The following MB21D2 variants were observed in gnomAD, a reference collection of about 807,000 sequenced individuals.
The protein encoded by MB21D2 is nucleotidyltransferase MB21D2.
MB21D2 carries 9 observed loss-of-function variants against 33.3 expected under a neutral mutation model. The observed-to-expected ratio is 0.27, with a 90% CI of 0.16 to 0.47. MB21D2 has a LOEUF of 0.47. Among genes scored for constraint, MB21D2 ranks in the 20% least tolerant of loss-of-function variants. The pLI, the probability that MB21D2 is intolerant of heterozygous loss-of-function variation, is 0.99. For synonymous variants in MB21D2, 241 were observed against 236.3 expected (o/e 1.02, Z -0.18); for missense variants, 540 against 624.6 (o/e 0.86, Z 1.44).
At chr3:192,870,595 G>A (rs976826479) in intron 1 of MB21D2, among the ~76,000 whole-genome samples, 2 of 151,542 alleles carry the variant, frequency 1.3e-5, no homozygotes, top group Non-Finnish European at 2.9e-5. Flanking sequence ...GGTGGTGCAA[G>A]CCTGTAATCC....
intron 1 of MB21D2, 146 bp downstream of exon 1, chr3:192,917,484 G>A (rs922778292): frequency 1.4e-6 from 1 of 720,438 alleles, no homozygotes; most frequent in Non-Finnish European, 2.3e-6. Flanking sequence ...AGAAGAGAGA[G>A]GCGGAACAGA....
intron 1 of MB21D2, among the ~76,000 whole-genome samples, chr3:192,853,979 C>T (rs1306613387): frequency 2.0e-5 from 3 of 152,180 alleles, no homozygotes; most frequent in Non-Finnish European, 2.9e-5. Flanking sequence ...CAGCTGTTAC[C>T]CCAGCTCTCT....
intron 1 of MB21D2, among the ~76,000 whole-genome samples, chr3:192,905,620 G>C: frequency 7.5e-6 from 1 of 133,552 alleles, no homozygotes; most frequent in Non-Finnish European, 1.5e-5. Flanking sequence ...CTGAGTGACA[G>C]AGCACGCCCT....
chr3:192,861,389 T>C (rs1713038519), intron 1 of MB21D2, among the ~76,000 whole-genome samples: 1 of 152,240 alleles, frequency 6.6e-6, no homozygotes, highest in African/African-American at 2.4e-5. Flanking sequence ...TGCATCCTCC[T>C]CAGTTGCCTA....
chr3:192,879,362 G>A (rs1176002274), intron 1 of MB21D2, among the ~76,000 whole-genome samples: 1 of 152,230 alleles, frequency 6.6e-6, no homozygotes, highest in Non-Finnish European at 1.5e-5. Context: ...GGTCTCCAAG[G>A]GGACTCTGAG....
intron 1 of MB21D2, among the ~76,000 whole-genome samples, chr3:192,835,456 A>C: frequency 2.9e-5 from 1 of 34,668 alleles, no homozygotes; most frequent in East Asian, 1.9e-3. Flanking sequence ...ACTCTGTCTC[A>C]AAAAAAAAAA....
chr3:192,872,913 G>A (rs1425018400), intron 1 of MB21D2, among the ~76,000 whole-genome samples: 1 of 152,120 alleles, frequency 6.6e-6, no homozygotes, highest in Non-Finnish European at 1.5e-5. Context: ...CTCAGCATAA[G>A]TGATTCATTA....
chr3:192,868,687 T>C (rs1713220994), intron 1 of MB21D2, among the ~76,000 whole-genome samples: 1 of 152,148 alleles, frequency 6.6e-6, no homozygotes, highest in Non-Finnish European at 1.5e-5. Context: ...CGAGGCTCCA[T>C]TTTGTGGTCC....
intron 1 of MB21D2, among the ~76,000 whole-genome samples, chr3:192,878,792 G>A (rs979457606): frequency 1.2e-4 from 18 of 152,034 alleles, no homozygotes; most frequent in African/African-American, 4.3e-4. Context: ...CGTGAAACCT[G>A]GTGTCTACTA....
chr3:192,881,383 TAGA>T (rs754929029), intron 1 of MB21D2, among the ~76,000 whole-genome samples: 11 of 152,082 alleles, frequency 7.2e-5, no homozygotes, highest in Non-Finnish European at 1.2e-4. Context: ...CAGGGGAAAC[TAGA>T]AGATCTCTGT....
chr3:192,890,821 A>T (rs1713837286), intron 1 of MB21D2, among the ~76,000 whole-genome samples: 1 of 152,066 alleles, frequency 6.6e-6, no homozygotes, highest in Non-Finnish European at 1.5e-5. Context: ...TATTGATATA[A>T]GATGTACGTG....
intron 1 of MB21D2, among the ~76,000 whole-genome samples, chr3:192,831,206 GA>G (rs1315259914): frequency 1.3e-5 from 2 of 152,190 alleles, no homozygotes; most frequent in Non-Finnish European, 2.9e-5. Flanking sequence ...CACTTCAAAG[GA>G]ACCTTGTGGA....
intron 1 of MB21D2, among the ~76,000 whole-genome samples, chr3:192,834,809 CTT>C (rs71177378): frequency 1.1e-4 from 13 of 119,830 alleles, no homozygotes; most frequent in Admixed American, 8.7e-5. Context: ...GAGGATTGTT[CTT>C]TTTTTTTTTT....
chr3:192,830,104 G>A lies in MB21D2; in HGVS notation c.212-30454C>T, dbSNP rs148207594. On this transcript the variant is annotated intron_variant, in intron 1 of 1. Coordinates refer to ENST00000392452, the MANE Select transcript of MB21D2 (RefSeq NM_178496.4). ...AGGCCTCAAGCCATCCTCCCACCTC[G>A]GCCTCCCAGAGAGCAAGGATTACAG... Among the ~76,000 whole-genome samples the A allele has an allele frequency of 1.3e-4, 20 of 152,022 alleles. No individual in the cohort carries two copies. The East Asian group carries it at 3.1e-3, about 24-fold the overall frequency.
intron 1 of MB21D2, among the ~76,000 whole-genome samples, chr3:192,860,287 A>T (rs1713012976): frequency 6.6e-6 from 1 of 152,226 alleles, no homozygotes; most frequent in South Asian, 2.1e-4. Flanking sequence ...TCCAGTTCAG[A>T]TTCATGCCAC....
intron 1 of MB21D2, among the ~76,000 whole-genome samples, chr3:192,916,288 C>T (rs867715327): frequency 6.6e-6 from 1 of 151,996 alleles, no homozygotes; most frequent in Non-Finnish European, 1.5e-5. Context: ...CAACTACCAG[C>T]GGACACAGAC....
chr3:192,886,952 C>A lies in MB21D2; in HGVS notation c.211+30678G>T, dbSNP rs565446642. On this transcript the variant is annotated intron_variant, in intron 1 of 1. Transcript: ENST00000392452. The stretch of plus-strand genomic sequence containing the variant: ...ATTAGAAGACTGGAAATTACAAAGT[C>A]TTCATTTAAAATCCTGTCAAGCTGT... 1.0e-3 allele frequency among the ~76,000 whole-genome samples: 151 copies of A among 151,584 alleles called. 1 individual carries two copies. The highest frequency in any genetic ancestry group is 3.6e-3 in the African/African-American group (148 of 41,182).
chr3:192,913,352 T>A (rs1232184771), intron 1 of MB21D2, among the ~76,000 whole-genome samples: 3 of 152,188 alleles, frequency 2.0e-5, no homozygotes, highest in Non-Finnish European at 2.9e-5. Flanking sequence ...GAGCTGAGAC[T>A]GTACCACTGC....
chr3:192,809,787 C>T (rs1429034797), intron 1 of MB21D2, among the ~76,000 whole-genome samples: 3 of 152,224 alleles, frequency 2.0e-5, no homozygotes, highest in Non-Finnish European at 4.4e-5. Flanking sequence ...CTGAGACACA[C>T]AGCTATGTGG....
Sources: allele counts gnomAD v4.1 joint callset (sites outside exome capture counted in the v4.1 genomes callset), GRCh38; gene constraint gnomAD v4.1.1; transcripts MANE v1.5; gene names NCBI Gene and HGNC (gene_info 2026-07-23, HGNC 2026-07-21).